IFT74: variants seen among roughly 807,000 people sequenced by gnomAD.
IFT74 encodes the protein intraflagellar transport protein 74 homolog.
IFT74 carries 92 observed loss-of-function variants against 96.7 expected under a neutral mutation model. The ratio of observed to expected loss-of-function variants is 0.95; its 90% confidence interval spans 0.80 to 1.13. IFT74 has a LOEUF of 1.13. Among genes scored for constraint, IFT74 ranks in the 50% most tolerant of loss-of-function variants. IFT74 has a pLI of 0.00. For synonymous variants in IFT74, 223 were observed against 213.2 expected (o/e 1.05, Z -0.40); for missense variants, 811 against 698.2 (o/e 1.16, Z -1.82).
rs1405725926 is a variant in IFT74, at chr9:26,948,476, T to A, written c.-20+1330T>A. Among the ~76,000 whole-genome samples, 7 of 89,012 alleles carry A rather than the reference T, an allele frequency of 7.9e-5. 1 individual carries two copies. The highest frequency in any genetic ancestry group is 8.3e-5 in the Non-Finnish European group (4 of 48,050). The allele number at this position is 89,012 out of a possible 152,430, so 58.4% of individuals were successfully genotyped here. ...TTTTTTTTTTTTTTTTTTTTTTTTT[T>A]TTTTTTTTTTTTGAGACGGAGTGTC... On this transcript the variant is annotated intron_variant, in intron 1 of 19. Transcript: ENST00000433700.
At position 26,995,990 on chromosome 9, in the gene IFT74, G is replaced by A. The variant is rs576891432; in HGVS notation, c.587+5795G>A. ...TAGTTTTCTTTAGATTTTGTTTGGT[G>A]GATGAATTCTCTTTGTTCAAAATAG... is the stretch of plus-strand genomic sequence containing the variant. On this transcript the variant is annotated intron_variant, in intron 8 of 19. Coordinates refer to ENST00000380062, the MANE Select transcript of IFT74 (RefSeq NM_025103.4). The A allele has an allele frequency of 1.0e-5, 7 of 676,812 alleles. No individual in the cohort carries two copies. In the South Asian group the frequency reaches 2.0e-4, roughly 19 times the overall value. The allele number at this position is 676,812 out of a possible 1,614,324, so 41.9% of individuals were successfully genotyped here.
In IFT74 at chr9:27,055,660, A is replaced by G. The variant is rs1408045157; in HGVS notation, c.1385A>G (p.Lys462Arg). The G allele has an allele frequency of 1.9e-6, 3 of 1,592,218 alleles. No homozygotes were observed. Among genetic ancestry groups the G allele is most frequent in the Non-Finnish European group, 1.7e-6 (2 of 1,171,866 alleles). Residue 462 changes from lysine (K) to arginine (R), a missense_variant, in exon 17 of 20, where the codon AAG becomes AGG. Physicochemically the swap from Lys to Arg is conservative, Grantham distance 26. Transcript: ENST00000380062. ...DLQKMELLES[K>R]MTEEQHSLKS... ...CAGAAAATGGAGCTTCTAGAAAGTA[A>G]GATGACTGAAGAACAGCATTCTCTA...
At chr9:26,995,721 G>C (rs765563717) in intron 8 of IFT74, 1 of 1,613,850 alleles carries the variant, frequency 6.2e-7, no homozygotes, top group South Asian at 1.1e-5. Flanking sequence ...AGGCGATGAT[G>C]ATTATAACTA....
chr9:26,975,110 A>G (rs1827052548), intron 2 of IFT74, among the ~76,000 whole-genome samples: 1 of 152,174 alleles, frequency 6.6e-6, no homozygotes, highest in South Asian at 2.1e-4. Context: ...GAGCAGGGAA[A>G]GGATCTGGAA....
chr9:27,043,279 C>T (rs1819552346), intron 13 of IFT74, among the ~76,000 whole-genome samples: 1 of 152,216 alleles, frequency 6.6e-6, no homozygotes, highest in Non-Finnish European at 1.5e-5. Flanking sequence ...TTCTCAGCAT[C>T]AGGGTTGTCG....
In IFT74 at chr9:27,018,684, G is replaced by A. The variant is rs779618939; in HGVS notation, c.971G>A (p.Arg324Lys). Residue 324 changes from arginine to lysine, a missense_variant, in exon 12 of 20, where the codon AGA becomes AAA. Coordinates refer to ENST00000380062, the MANE Select transcript of IFT74 (RefSeq NM_025103.4). ...DDNQEIASMERQLTDTKEKIN... is the reference protein window; with the variant it reads ...DDNQEIASMEKQLTDTKEKIN... ...AATCAGGAAATAGCCAGCATGGAAA[G>A]ACAGTAAGTATCTTTATACTAGGAC... 2 of 1,536,038 alleles carry A rather than the reference G, an allele frequency of 1.3e-6. No individual in the cohort carries two copies. The highest frequency in any genetic ancestry group is 1.7e-5 in the Admixed American group (1 of 58,294).
chr9:26,982,670 G>C (rs191579316), intron 4 of IFT74, among the ~76,000 whole-genome samples: 1 of 152,136 alleles, frequency 6.6e-6, no homozygotes, highest in Admixed American at 6.5e-5. Flanking sequence ...GGTCAGGCTG[G>C]TCTCGAACTC....
chr9:26,997,544 G>A (rs1052460250), intron 8 of IFT74, among the ~76,000 whole-genome samples: 1 of 152,114 alleles, frequency 6.6e-6, no homozygotes, highest in Admixed American at 6.5e-5. Context: ...ATGTTGGCCA[G>A]GCTGGTCTCA....
intron 1 of IFT74, among the ~76,000 whole-genome samples, chr9:26,948,719 C>T (rs1825840933): frequency 6.6e-6 from 1 of 151,976 alleles, no homozygotes; most frequent in Admixed American, 6.6e-5. Context: ...CCTCCTCTGC[C>T]TTCCAAAGTG....
intron 2 of IFT74, among the ~76,000 whole-genome samples, chr9:26,965,429 A>AT (rs1826565717): frequency 6.6e-6 from 1 of 151,854 alleles, no homozygotes; most frequent in Non-Finnish European, 1.5e-5. Flanking sequence ...AAGTTTTCAG[A>AT]TTTTTTTTCT....
chr9:27,000,694 G>C (rs762693286), intron 8 of IFT74, among the ~76,000 whole-genome samples: 1 of 152,150 alleles, frequency 6.6e-6, no homozygotes, highest in Non-Finnish European at 1.5e-5. Context: ...TTAGACGAGA[G>C]GGAGAGCATC....
intron 7 of IFT74, 118 bp downstream of exon 7, chr9:26,988,846 G>C (rs1827749704): frequency 2.2e-6 from 2 of 911,362 alleles, no homozygotes; most frequent in Non-Finnish European, 3.0e-6. Context: ...ATATTACTCT[G>C]ATTGTAAATA....
At chr9:27,013,988 G>C (rs972884063) in intron 10 of IFT74, among the ~76,000 whole-genome samples, 2 of 152,200 alleles carry the variant, frequency 1.3e-5, no homozygotes, top group Non-Finnish European at 1.5e-5. Context: ...GGCCAAGGCA[G>C]GCAGATCACA....
At chr9:27,008,978 C>T in intron 8 of IFT74, 42 bp from the exon 9 acceptor site, 1 of 1,496,202 alleles carries the variant, frequency 6.7e-7, no homozygotes, top group Non-Finnish European at 9.1e-7. Flanking sequence ...GATATTTTTT[C>T]CTCAATATAG....
intron 8 of IFT74, among the ~76,000 whole-genome samples, chr9:27,003,284 A>G (rs1331363215): frequency 6.6e-6 from 1 of 151,970 alleles, no homozygotes; most frequent in Non-Finnish European, 1.5e-5. Context: ...GCACTTTGGG[A>G]GGCCGAGGCG....
At chr9:26,987,922 T>C (rs1827704913) in intron 6 of IFT74, among the ~76,000 whole-genome samples, 3 of 152,166 alleles carry the variant, frequency 2.0e-5, no homozygotes, top group Non-Finnish European at 4.4e-5. Flanking sequence ...TTTTATGTTT[T>C]TACTAGTGTA....
At position 27,063,461 on chromosome 9, in the gene IFT74, ATTAAT is replaced by A. The variant is rs1820513124; in HGVS notation, c.*729_*733del. On this transcript the variant is annotated 3_prime_UTR_variant, in exon 20 of 20. Transcript: ENST00000380062. ...TGTACTATTAGGAGAACTTAAGTAGATTAATTTATAAACATTAGCCAGAATATTTG... is the reference window on the plus strand; with the variant it reads ...TGTACTATTAGGAGAACTTAAGTAGATTATAAACATTAGCCAGAATATTTG... Among the ~76,000 whole-genome samples, 1 of 152,118 alleles carries A rather than the reference ATTAAT, an allele frequency of 6.6e-6. No homozygotes were observed. Among genetic ancestry groups the A allele is most frequent in the Non-Finnish European group, 1.5e-5 (1 of 67,980 alleles).
rs1007376039 is a variant in IFT74 at position 26,999,699 on chromosome 9, C to G, written c.588-9321C>G. 1.9e-6 allele frequency: 3 copies of G among 1,593,484 alleles called. No individual in the cohort carries two copies. In the African/African-American group the frequency reaches 4.1e-5, roughly 22 times the overall value. On this transcript the variant is annotated intron_variant, in intron 8 of 19. Transcript: ENST00000380062. Reference sequence around the variant, plus strand: ...TGTGATGCCTGTGACTTTCATGTTGCAGACCTGATAGAAAAGAGAGTATTT... The same window carrying G: ...TGTGATGCCTGTGACTTTCATGTTGGAGACCTGATAGAAAAGAGAGTATTT...
chr9:27,018,602 A>T, intron 11 of IFT74, 45 bp from the exon 12 acceptor site: 1 of 1,070,074 alleles, frequency 9.3e-7, no homozygotes, highest in Non-Finnish European at 1.4e-6. Context: ...TAGCCTTACA[A>T]TGAGTTATTT....
Sources: gnomAD v4.1 joint callset for allele counts (sites outside exome capture counted in the v4.1 genomes callset) on GRCh38, gnomAD v4.1.1 for gene constraint, MANE v1.5 for transcripts, NCBI Gene and HGNC (gene_info 2026-07-23, HGNC 2026-07-21) for gene names.